The following LAMA1 variants were observed in gnomAD, a reference collection of about 807,000 sequenced individuals.
LAMA1 encodes laminin subunit alpha 1.
Under a neutral mutation model 348.7 loss-of-function variants are expected in LAMA1, and 219 were observed. The ratio of observed to expected loss-of-function variants is 0.63; its 90% confidence interval spans 0.56 to 0.70. The LOEUF is 0.70. Ranked by LOEUF, LAMA1 falls within the 30% of genes least tolerant of loss-of-function variation. The pLI is 0.00. For synonymous variants in LAMA1, 1,487 were observed against 1,491.0 expected (o/e 1.00, Z 0.06); for missense variants, 3,744 against 3,888.0 (o/e 0.96, Z 0.99).
chr18:6,989,981 CCA>C (rs2057751606), intron 36 of LAMA1, among the ~76,000 whole-genome samples: 1 of 152,194 alleles, frequency 6.6e-6, no homozygotes, highest in Non-Finnish European at 1.5e-5. Context: ...TTGAGAAACA[CCA>C]GTTTCCTCTG....
intron 54 of LAMA1, among the ~76,000 whole-genome samples, chr18:6,958,883 T>G (rs556222213): frequency 6.6e-6 from 1 of 152,178 alleles, no homozygotes; most frequent in Non-Finnish European, 1.5e-5. Context: ...AAATATCCAT[T>G]GAATGAGATT....
At chr18:7,092,417 AG>A (rs1383638834) in intron 1 of LAMA1, among the ~76,000 whole-genome samples, 2 of 152,136 alleles carry the variant, frequency 1.3e-5, no homozygotes, top group Non-Finnish European at 2.9e-5. Context: ...CGAGGTCAGG[AG>A]ATCGAGACCA....
rs1017176031 is a variant in LAMA1 at position 6,973,092 on chromosome 18, G to A, written c.6739C>T (p.Leu2247Phe). ...ANVLDVNNST[L>F]MFVGGLGGQI... ...CCTCCAAGACCTCCAACAAACATGAGTGTTGAATTGTTTACATCCAGAACA... is the reference window on the plus strand; with the variant it reads ...CCTCCAAGACCTCCAACAAACATGAATGTTGAATTGTTTACATCCAGAACA... Residue 2247 changes from leucine to phenylalanine, a missense_variant, in exon 47 of 63, where the codon CTC (leucine) becomes TTC (phenylalanine). Transcript: ENST00000389658. The A allele has an allele frequency of 1.2e-6, 2 of 1,614,166 alleles. No individual in the cohort carries two copies. Among genetic ancestry groups the A allele is most frequent in the East Asian group, 2.2e-5 (1 of 44,890 alleles).
chr18:7,095,815 T>C (rs1198489206), intron 1 of LAMA1, among the ~76,000 whole-genome samples: 1 of 152,206 alleles, frequency 6.6e-6, no homozygotes, highest in African/African-American at 2.4e-5. Flanking sequence ...CACGCCTGTA[T>C]CCCAGCACTT....
chr18:7,060,278 G>C (rs949972235), intron 3 of LAMA1, among the ~76,000 whole-genome samples: 11 of 151,060 alleles, frequency 7.3e-5, no homozygotes, highest in Admixed American at 6.6e-4. Flanking sequence ...ATACTCAACA[G>C]ACAAAAAGAA....
chr18:7,058,214 G>A (rs536347387), intron 3 of LAMA1, among the ~76,000 whole-genome samples: 44 of 152,264 alleles, frequency 2.9e-4, no homozygotes, highest in African/African-American at 9.9e-4. Flanking sequence ...AAGAACAGCC[G>A]TAGTGAAAAA....
intron 19 of LAMA1, among the ~76,000 whole-genome samples, chr18:7,021,198 G>A (rs1473252243): frequency 1.3e-5 from 2 of 151,996 alleles, no homozygotes; most frequent in African/African-American, 2.4e-5. Flanking sequence ...GAGGCAGCCC[G>A]GGCCACCCTG....
intron 46 of LAMA1, among the ~76,000 whole-genome samples, chr18:6,974,051 G>T (rs776320067): frequency 6.6e-6 from 1 of 152,092 alleles, no homozygotes; most frequent in Non-Finnish European, 1.5e-5. Context: ...CCAAAGCACT[G>T]GGATTACAGG....
At chr18:6,967,277 T>C (rs2057637516) in intron 48 of LAMA1, among the ~76,000 whole-genome samples, 1 of 152,370 alleles carries the variant, frequency 6.6e-6, no homozygotes, top group African/African-American at 2.4e-5. Context: ...TGAGGAATTA[T>C]AACTTAAAAG....
intron 18 of LAMA1, among the ~76,000 whole-genome samples, chr18:7,023,647 C>T (rs934700415): frequency 4.6e-5 from 7 of 152,122 alleles, no homozygotes; most frequent in Admixed American, 2.6e-4. Flanking sequence ...CTCCGGATGC[C>T]GCACAGCCTC....
At chr18:7,047,697 A>T (rs1339954090) in intron 5 of LAMA1, among the ~76,000 whole-genome samples, 2 of 152,192 alleles carry the variant, frequency 1.3e-5, no homozygotes, top group African/African-American at 4.8e-5. Context: ...AGACAAACAG[A>T]TCTATAGAAC....
At chr18:6,979,103 A>C (rs4797274) in intron 42 of LAMA1, among the ~76,000 whole-genome samples, 2,671 of 152,310 alleles carry the variant, frequency 0.018, 49 homozygotes, top group African/African-American at 0.041. Flanking sequence ...ACTTTTCCTG[A>C]AACTTTTCTG....
chr18:6,977,768 T>C lies in LAMA1; in HGVS notation c.6304A>G (p.Ile2102Val). Residue 2102 changes from isoleucine (I) to valine (V), a missense_variant, in exon 44 of 63, where the codon ATT becomes GTT. This residue lies in a region of LAMA1 where 1,983 missense variants were observed against 1,934.3 expected (regional missense o/e 1.03). Transcript: ENST00000389658. ...EENLSRNLSEIKLLISQARKQ... is the reference protein window; with the variant it reads ...EENLSRNLSEVKLLISQARKQ... The stretch of plus-strand genomic sequence containing the variant: ...CGGGCCTGGCTGATCAACAGTTTAA[T>C]TTCTGATAGGTTTCTGCTCAGATTC... 2.5e-6 allele frequency: 4 copies of C among 1,614,166 alleles called. No individual in the cohort carries two copies. In the African/African-American group the frequency reaches 5.3e-5, roughly 22 times the overall value.
Position 6,956,290 on chromosome 18 carries a change from T to C in LAMA1, c.8094+346A>G, listed in dbSNP as rs193067607. ...TTTTTTTTTTTTAAAGCAACAAATA[T>C]GTGCACAATGGCTTTACATGAAGTA... is the stretch of plus-strand genomic sequence containing the variant. On this transcript the variant is annotated intron_variant, in intron 56 of 62. Transcript: ENST00000389658. The C allele has an allele frequency of 1.3e-5, 5 of 388,350 alleles. No homozygotes were observed. The Admixed American group carries it at 1.5e-4, about 12-fold the overall frequency. The allele number at this position is 388,350 out of a possible 1,614,324, so 24.1% of individuals were successfully genotyped here. A position where few individuals can be genotyped will look rare whatever the true frequency, so the allele number is the denominator to read the frequency against.
chr18:7,102,207 T>C (rs2058293933), intron 1 of LAMA1, among the ~76,000 whole-genome samples: 1 of 152,128 alleles, frequency 6.6e-6, no homozygotes, highest in African/African-American at 2.4e-5. Context: ...ACAAAGGAGA[T>C]GTTATGCTCA....
At chr18:7,017,215 G>A (rs1751142904) in intron 20 of LAMA1, 63 bp downstream of exon 20, 4 of 1,296,074 alleles carry the variant, frequency 3.1e-6, no homozygotes, top group Non-Finnish European at 2.2e-6. Context: ...AGCTCCTTCT[G>A]AGTCATGGAT....
At chr18:6,965,014 A>G (rs2057626209) in intron 50 of LAMA1, among the ~76,000 whole-genome samples, 1 of 152,208 alleles carries the variant, frequency 6.6e-6, no homozygotes, top group Admixed American at 6.5e-5. Flanking sequence ...AGCAGTATGC[A>G]TGTGGAAGAA....
At chr18:7,110,724 A>T (rs1404366861) in intron 1 of LAMA1, among the ~76,000 whole-genome samples, 1 of 152,160 alleles carries the variant, frequency 6.6e-6, no homozygotes, top group Non-Finnish European at 1.5e-5. Context: ...CAGGAGGCTG[A>T]GGCAGGAGAA....
chr18:7,108,669 C>CAAAAAAA (rs2058324021), intron 1 of LAMA1, among the ~76,000 whole-genome samples: 1 of 73,498 alleles, frequency 1.4e-5, no homozygotes, highest in African/African-American at 5.5e-5. Context: ...AAAAAAAAAG[C>CAAAAAAA]TAACTCCCTT....
Sources: allele counts gnomAD v4.1 joint callset (sites outside exome capture counted in the v4.1 genomes callset), GRCh38; gene constraint gnomAD v4.1.1; regional missense constraint gnomAD v4.1.1; transcripts MANE v1.5; gene names NCBI Gene and HGNC (gene_info 2026-07-23, HGNC 2026-07-21).